Variants in SYT5 observed in about 807,000 individuals in gnomAD.
SYT5 encodes the protein synaptotagmin 5.
Under a neutral mutation model 36.0 loss-of-function variants are expected in SYT5, and 29 were observed. That is an observed-to-expected ratio of 0.81 (90% CI 0.60 to 1.10). The LOEUF (loss-of-function observed/expected upper bound fraction) is 1.10. SYT5 is among the 50% of genes least tolerant of loss of function. The pLI is 0.00. For synonymous variants in SYT5, 231 were observed against 227.6 expected, an observed-to-expected ratio of 1.02 and a Z score of -0.14; for missense variants, 512 against 516.0, an observed-to-expected ratio of 0.99 and a Z score of 0.08.
chr19:55,175,994 T>C lies in SYT5; in HGVS notation c.372+11A>G, dbSNP rs1456997640. ...TCCTCCCTCCAAAGCTTCCCCTTCC[T>C]CCACACCCACCTGGCCACTCTGGAA... On this transcript the variant is annotated intron_variant, in intron 4 of 8. Transcript: ENST00000354308. The surrounding 1 kb of genome is among the most constrained non-coding windows in gnomAD (Gnocchi z 4.5). 1 of 1,613,960 alleles carries C rather than the reference T, an allele frequency of 6.2e-7. No individual in the cohort carries two copies. The highest frequency in any genetic ancestry group is 1.7e-5 in the Admixed American group (1 of 60,014).
At chr19:55,176,291 A>T in intron 3 of SYT5, 167 bp from the exon 4 acceptor site, 1 of 846,002 alleles carries the variant, frequency 1.2e-6, no homozygotes, top group Non-Finnish European at 1.8e-6. Context: ...CAGGAAATAG[A>T]CGTGGTAACA....
chr19:55,174,148 G>T, intron 8 of SYT5: 1 of 210,246 alleles, frequency 4.8e-6, no homozygotes. Flanking sequence ...TCCTGGTCCC[G>T]CTTGGGGGCG....
rs770318220 is a variant in SYT5 at position 55,175,048 on chromosome 19, C to T, written c.709-49G>A. ...CAGAGCCCCGGCTCCACATCCATGC[C>T]TCCTCAGGGGTACAATCCACGCCGC... is the stretch of plus-strand genomic sequence containing the variant. On this transcript the variant is annotated intron_variant, in intron 6 of 8. Transcript: ENST00000354308. The surrounding 1 kb of genome is among the most constrained non-coding windows in gnomAD (Gnocchi z 4.5). The T allele has an allele frequency of 2.5e-6, 4 of 1,605,352 alleles. No homozygotes were observed. The highest frequency in any genetic ancestry group is 3.4e-6 in the Non-Finnish European group (4 of 1,177,618).
At chr19:55,178,094 G>T in intron 3 of SYT5, 102 bp downstream of exon 3, 1 of 1,352,234 alleles carries the variant, frequency 7.4e-7, no homozygotes. Context: ...AGTAAGGTGG[G>T]TTCCTATAGG....
At chr19:55,178,459 C>T in intron 2 of SYT5, 91 bp from the exon 3 acceptor site, 2 of 1,355,498 alleles carry the variant, frequency 1.5e-6, no homozygotes, top group East Asian at 4.9e-5. Flanking sequence ...GAATGCTGGC[C>T]TCCTTTTCCC....
At position 55,174,568 on chromosome 19, in the gene SYT5, G is replaced by T; in HGVS notation, c.909C>A (p.Asn303Lys). The T allele has an allele frequency of 6.2e-7, 1 of 1,614,112 alleles. No homozygotes were observed. ...KKTTIKKNTL[N>K]PYYNEAFSFE... The stretch of plus-strand genomic sequence containing the variant: ...AGCTGAAAGCTTCGTTGTAATAGGG[G>T]TTCAGAGTGTTCTTCTTGATGGTGG... The change falls in exon 8 of 9, where the codon AAC becomes AAA. Residue 303 changes from asparagine to lysine, a missense_variant. Coordinates refer to ENST00000354308, the MANE Select transcript of SYT5 (RefSeq NM_003180.3).
At position 55,173,804 on chromosome 19, in the gene SYT5, C is replaced by T. The variant is rs1039294155; in HGVS notation, c.961-120G>A. 3 of 1,100,328 alleles carry T rather than the reference C, an allele frequency of 2.7e-6. No homozygotes were observed. The highest frequency in any genetic ancestry group is 3.5e-6 in the Non-Finnish European group (3 of 846,776). The allele number at this position is 1,100,328 out of a possible 1,614,324, so 68.2% of individuals were successfully genotyped here. A position where few individuals can be genotyped will look rare whatever the true frequency, so the allele number is the denominator to read the frequency against. On this transcript the variant is annotated intron_variant, in intron 8 of 8. Transcript: ENST00000354308. The surrounding 1 kb of genome is among the most constrained non-coding windows in gnomAD (Gnocchi z 5.4). ...GCTGCCACCCGAGGGCTCGGGGCCC[C>T]GGAGCTCGGGACGGGGGAGGGGGTG...
In SYT5 at chr19:55,171,266, T is replaced by G. The variant is rs2086003361; in HGVS notation, c.*2218A>C. 1 of 150,676 alleles carries G rather than the reference T, an allele frequency of 6.6e-6. No individual in the cohort carries two copies. Among genetic ancestry groups the G allele is most frequent in the Non-Finnish European group, 1.5e-5 (1 of 67,852 alleles). 9.3% of individuals were successfully genotyped at this position (150,676 alleles called of 1,614,324 possible). On this transcript the variant is annotated 3_prime_UTR_variant, in exon 9 of 9. Transcript: ENST00000354308. ...GGATTATTATTGGCAGTAATAGTAG[T>G]AACATAAAGGGCTGTCTTCATAAAG... is the stretch of plus-strand genomic sequence containing the variant.
chr19:55,174,840 C>A (rs749585930), intron 7 of SYT5, 42 bp downstream of exon 7: 2 of 1,598,934 alleles, frequency 1.3e-6, no homozygotes, highest in East Asian at 4.5e-5. Flanking sequence ...GAACCCACCC[C>A]ACGCCATCCC....
In SYT5 at chr19:55,175,068, C is replaced by T. The variant is rs2086057724; in HGVS notation, c.709-69G>A. 6.3e-7 allele frequency: 1 copy of T among 1,597,920 alleles called. No individual in the cohort carries two copies. The highest frequency in any genetic ancestry group is 1.3e-5 in the African/African-American group (1 of 74,888). ...CATGCCTCCTCAGGGGTACAATCCA[C>T]GCCGCCCTGAGGGTCTGGAAAGCCT... On this transcript the variant is annotated intron_variant, in intron 6 of 8. Transcript: ENST00000354308. This position sits in a 1 kb window ranked among gnomAD's most constrained non-coding sequence, Gnocchi z 4.5.
Position 55,175,113 on chromosome 19 carries a change from A to G in SYT5, c.708+59T>C. 1.3e-6 allele frequency: 2 copies of G among 1,581,958 alleles called. No individual in the cohort carries two copies. Among genetic ancestry groups the G allele is most frequent in the South Asian group, 1.1e-5 (1 of 87,638 alleles). On this transcript the variant is annotated intron_variant, in intron 6 of 8. Coordinates refer to ENST00000354308, the MANE Select transcript of SYT5 (RefSeq NM_003180.3). This position sits in a 1 kb window ranked among gnomAD's most constrained non-coding sequence, Gnocchi z 4.5. The stretch of plus-strand genomic sequence containing the variant: ...AAGCCTATGATCTGATTGGCTCAGG[A>G]TGTTGTGGGCGGGACTGGGCCTGGG...
chr19:55,174,603 T>C lies in SYT5; in HGVS notation c.874A>G (p.Lys292Glu), dbSNP rs1275059252. Residue 292 changes from lysine to glutamate, a missense_variant, in exon 8 of 9, where the codon AAG (lysine) becomes GAG (glutamate). Transcript: ENST00000354308. ...HLLQGGKKVR[K>E]KKTTIKKNTL... Reference sequence around the variant, plus strand: ...TTCTTCTTGATGGTGGTTTTCTTCTTCCGCACCTTTTTGCCGCCCTGCAGC... The same window carrying C: ...TTCTTCTTGATGGTGGTTTTCTTCTCCCGCACCTTTTTGCCGCCCTGCAGC... 6.2e-7 allele frequency: 1 copy of C among 1,614,106 alleles called. No individual in the cohort carries two copies. The highest frequency in any genetic ancestry group is 1.1e-5 in the South Asian group (1 of 91,078).
Position 55,173,347 on chromosome 19 carries a change from G to T in SYT5, c.*137C>A. On this transcript the variant is annotated 3_prime_UTR_variant, in exon 9 of 9. Coordinates refer to ENST00000354308, the MANE Select transcript of SYT5 (RefSeq NM_003180.3). The surrounding 1 kb of genome is among the most constrained non-coding windows in gnomAD (Gnocchi z 5.4). ...GGGGTGAGAAGACAGGAATGGTTCA[G>T]ATGGTTGGGGTGGAAGGTGGGGGGA... 1.5e-6 allele frequency: 1 copy of T among 650,050 alleles called. No homozygotes were observed. Among genetic ancestry groups the T allele is most frequent in the Non-Finnish European group, 2.3e-6 (1 of 441,218 alleles). 40.3% of individuals were successfully genotyped at this position (650,050 alleles called of 1,614,324 possible).
In SYT5 at chr19:55,178,982, A is replaced by G. The variant is rs1440118346; in HGVS notation, c.60T>C (p.Ser20=). Reference sequence around the variant, plus strand: ...GCTCACCTGGGCCGTGGCTGATGCGACTGGAGTCGGGAGGCGTGTCGGGCG... The same window carrying G: ...GCTCACCTGGGCCGTGGCTGATGCGGCTGGAGTCGGGAGGCGTGTCGGGCG... ...PPSPDTPPDS[S]RISHGPVPPW... The change falls in exon 2 of 9, where the codon AGT becomes AGC. Residue 20 remains serine (S), a synonymous_variant. Transcript: ENST00000354308. 1.0e-5 allele frequency: 16 copies of G among 1,573,836 alleles called. No homozygotes were observed. The highest frequency in any genetic ancestry group is 2.4e-5 in the East Asian group (1 of 42,248).
In SYT5 at chr19:55,175,773, C is replaced by G. The variant is rs1488286594; in HGVS notation, c.476G>C (p.Arg159Pro). Reference protein sequence around the residue: ...RVYLLPDKRRRYETKVHRQTL... With the variant: ...RVYLLPDKRRPYETKVHRQTL... ...CTGCCGATGCACCTTGGTCTCGTAC[C>G]GCCTCCGTTTGTCCGGCAGCAGGTA... Residue 159 changes from arginine to proline, a missense_variant, in exon 5 of 9, where the codon CGG (arginine) becomes CCG (proline). Coordinates refer to ENST00000354308, the MANE Select transcript of SYT5 (RefSeq NM_003180.3). This position sits in a 1 kb window ranked among gnomAD's most constrained non-coding sequence, Gnocchi z 4.5. 1 of 1,614,160 alleles carries G rather than the reference C, an allele frequency of 6.2e-7. No individual in the cohort carries two copies. Among genetic ancestry groups the G allele is most frequent in the African/African-American group, 1.3e-5 (1 of 75,036 alleles).
rs2086024368 is a variant in SYT5, at chr19:55,173,280, T to C, written c.*204A>G. The C allele has an allele frequency of 4.6e-6, 2 of 435,478 alleles. No individual in the cohort carries two copies. Among genetic ancestry groups the C allele is most frequent in the Non-Finnish European group, 7.7e-6 (2 of 261,056 alleles). The allele number at this position is 435,478 out of a possible 1,614,324, so 27.0% of individuals were successfully genotyped here. ...GGGCATCTGGGTGTGTCCGCGAGGGTCGGGGGAGTGTGCTGGAAAGTTGTC... is the reference window on the plus strand; with the variant it reads ...GGGCATCTGGGTGTGTCCGCGAGGGCCGGGGGAGTGTGCTGGAAAGTTGTC... On this transcript the variant is annotated 3_prime_UTR_variant, in exon 9 of 9. Transcript: ENST00000354308. The surrounding 1 kb of genome is among the most constrained non-coding windows in gnomAD (Gnocchi z 5.4).
chr19:55,174,485 G>C, intron 8 of SYT5, 32 bp downstream of exon 8: 1 of 1,609,756 alleles, frequency 6.2e-7, no homozygotes, highest in Non-Finnish European at 8.5e-7. Flanking sequence ...CTAAAGGTCT[G>C]GGCTCTTGGA....
At position 55,173,197 on chromosome 19, in the gene SYT5, A is replaced by T; in HGVS notation, c.*287T>A. On this transcript the variant is annotated 3_prime_UTR_variant, in exon 9 of 9. Transcript: ENST00000354308. The surrounding 1 kb of genome is among the most constrained non-coding windows in gnomAD (Gnocchi z 5.4). ...GACGAGGATGGCTGATTGTCAAAGC[A>T]GGGGGCAGGACCCGGGGGCAGGAGA... 1 of 361,496 alleles carries T rather than the reference A, an allele frequency of 2.8e-6. No individual in the cohort carries two copies. Among genetic ancestry groups the T allele is most frequent in the Non-Finnish European group, 4.9e-6 (1 of 202,380 alleles). 22.4% of individuals were successfully genotyped at this position (361,496 alleles called of 1,614,324 possible).
chr19:55,178,623 T>C (rs1317226773), intron 2 of SYT5, among the ~76,000 whole-genome samples: 1 of 151,980 alleles, frequency 6.6e-6, no homozygotes, highest in Non-Finnish European at 1.5e-5. Flanking sequence ...CCATTTCTGC[T>C]CAACTCCTGA....
Sources: allele counts gnomAD v4.1 joint callset (sites outside exome capture counted in the v4.1 genomes callset), GRCh38; gene constraint gnomAD v4.1.1; non-coding constraint Gnocchi (gnomAD v3.1); transcripts MANE v1.5; gene names NCBI Gene and HGNC (gene_info 2026-07-23, HGNC 2026-07-21).